LDLRAD4: variants seen among roughly 807,000 people sequenced by gnomAD.
LDLRAD4 encodes low-density lipoprotein receptor class A domain-containing protein 4.
LDLRAD4 carries 5 observed loss-of-function variants against 17.0 expected under a neutral mutation model. The ratio of observed to expected loss-of-function variants is 0.29; its 90% CI spans 0.15 to 0.62. The LOEUF (loss-of-function observed/expected upper bound fraction) is 0.62, where lower values mean the gene tolerates loss of function less well. Ranked by LOEUF, LDLRAD4 falls within the 20% of genes least tolerant of loss-of-function variation. The pLI, the probability that LDLRAD4 is intolerant of heterozygous loss-of-function variation, is 0.84. For missense variants in LDLRAD4, 340 were observed against 424.7 expected (o/e 0.80, Z 1.75); for synonymous variants, 168 against 171.8 (o/e 0.98, Z 0.17).
intron 3 of LDLRAD4, among the ~76,000 whole-genome samples, chr18:13,499,822 T>C (rs1386932464): frequency 6.6e-6 from 1 of 152,178 alleles, no homozygotes; most frequent in African/African-American, 2.4e-5. Context: ...AGAATCCTTC[T>C]GCCCACACAC....
intron 2 of LDLRAD4, among the ~76,000 whole-genome samples, chr18:13,395,180 G>A (rs190333363): frequency 1.3e-5 from 2 of 152,068 alleles, no homozygotes; most frequent in African/African-American, 2.4e-5. Context: ...AGTAGGTTCT[G>A]TATAAAGATT....
intron 3 of LDLRAD4, among the ~76,000 whole-genome samples, chr18:13,608,701 G>A (rs1284772546): frequency 6.6e-6 from 1 of 152,136 alleles, no homozygotes; most frequent in African/African-American, 2.4e-5. Context: ...CTTAAAGCCC[G>A]TTTGGTTCCT....
At chr18:13,601,504 C>G (rs1477189828) in intron 3 of LDLRAD4, among the ~76,000 whole-genome samples, 1 of 151,850 alleles carries the variant, frequency 6.6e-6, no homozygotes, top group Middle Eastern at 3.2e-3. Flanking sequence ...GAAAAGGGAA[C>G]ACTTCCGGGC....
chr18:13,563,230 T>A (rs1194412069), intron 3 of LDLRAD4, among the ~76,000 whole-genome samples: 1 of 152,254 alleles, frequency 6.6e-6, no homozygotes, highest in Non-Finnish European at 1.5e-5. Context: ...ATGAGCATGT[T>A]CACAACCCCC....
At chr18:13,375,834 G>A (rs946567468) in intron 1 of LDLRAD4, among the ~76,000 whole-genome samples, 1 of 152,084 alleles carries the variant, frequency 6.6e-6, no homozygotes, top group Non-Finnish European at 1.5e-5. Flanking sequence ...GCCCGCCAGC[G>A]CCTTGCTCTT....
At chr18:13,624,130 G>A (rs1379429164) in intron 4 of LDLRAD4, among the ~76,000 whole-genome samples, 1 of 152,152 alleles carries the variant, frequency 6.6e-6, no homozygotes, top group East Asian at 1.9e-4. Context: ...GTGGATGTGA[G>A]CGGTGCTGAG....
intron 3 of LDLRAD4, chr18:13,489,144 C>G (rs1397918501): frequency 6.7e-6 from 1 of 149,080 alleles, no homozygotes; most frequent in Non-Finnish European, 1.5e-5. Flanking sequence ...GTGGTGCTAC[C>G]CATTCTTTCT....
chr18:13,326,937 G>C (rs1335527795), intron 1 of LDLRAD4, among the ~76,000 whole-genome samples: 3 of 152,270 alleles, frequency 2.0e-5, no homozygotes, highest in Middle Eastern at 6.8e-3. Flanking sequence ...AGTGCTTACT[G>C]AAGTGTAAAA....
intron 3 of LDLRAD4, among the ~76,000 whole-genome samples, chr18:13,603,071 T>TC (rs1184538571): frequency 2.5e-5 from 3 of 121,260 alleles, no homozygotes; most frequent in Non-Finnish European, 5.6e-5. Context: ...TATTTAAGTT[T>TC]TTAAAGTACC....
In LDLRAD4 at chr18:13,621,614, G is replaced by A. The variant is rs1815612703; in HGVS notation, c.336+343G>A. Among the ~76,000 whole-genome samples, 1 of 152,240 alleles carries A rather than the reference G, an allele frequency of 6.6e-6. No homozygotes were observed. The highest frequency in any genetic ancestry group is 2.4e-5 in the African/African-American group (1 of 41,466). On this transcript the variant is annotated intron_variant, in intron 4 of 5. Coordinates refer to ENST00000359446, the Ensembl canonical transcript of LDLRAD4. This position sits in a 1 kb window ranked among gnomAD's most constrained non-coding sequence, Gnocchi z 5.5. The stretch of plus-strand genomic sequence containing the variant: ...CGTGCCTGGCTCCTCTGGCTTGGCA[G>A]TGCACTTGTGAGATTCATTGTGTTG...
intron 3 of LDLRAD4, among the ~76,000 whole-genome samples, chr18:13,458,320 C>G (rs1600476007): frequency 6.6e-6 from 1 of 152,176 alleles, no homozygotes; most frequent in East Asian, 1.9e-4. Context: ...TATGTGTTAG[C>G]AGGTGTGGTA....
At chr18:13,402,236 A>G (rs76790184) in intron 2 of LDLRAD4, among the ~76,000 whole-genome samples, 3,035 of 152,202 alleles carry the variant, frequency 0.02, 97 homozygotes, top group African/African-American at 0.068. Flanking sequence ...GTTTCTGTGC[A>G]GGTGTCAGCA....
chr18:13,414,088 CA>C (rs1186568707), intron 2 of LDLRAD4, among the ~76,000 whole-genome samples: 1 of 152,100 alleles, frequency 6.6e-6, no homozygotes, highest in Non-Finnish European at 1.5e-5. Flanking sequence ...TGCTTTGTTC[CA>C]AAATTTGTAG....
chr18:13,500,007 A>G (rs1405825209), intron 3 of LDLRAD4, among the ~76,000 whole-genome samples: 1 of 152,042 alleles, frequency 6.6e-6, no homozygotes, highest in African/African-American at 2.4e-5. Context: ...ATTGACAGGG[A>G]CTTTCGGTTT....
At chr18:13,422,547 A>C (rs1034227278) in intron 2 of LDLRAD4, among the ~76,000 whole-genome samples, 33 of 152,076 alleles carry the variant, frequency 2.2e-4, no homozygotes, top group African/African-American at 8.0e-4. Flanking sequence ...AAAAAAAAAA[A>C]AAAGGCCAAG....
chr18:13,251,510 A>G (rs541226382), intron 1 of LDLRAD4, among the ~76,000 whole-genome samples: 4 of 152,346 alleles, frequency 2.6e-5, no homozygotes, highest in African/African-American at 9.6e-5. Context: ...GAACTGGTAA[A>G]TGAATTCAGT....
At chr18:13,416,088 C>T (rs759196378) in intron 2 of LDLRAD4, among the ~76,000 whole-genome samples, 17 of 152,294 alleles carry the variant, frequency 1.1e-4, no homozygotes, top group East Asian at 1.9e-4. Flanking sequence ...ATCGGGCTGG[C>T]GGGGACACTG....
intron 2 of LDLRAD4, among the ~76,000 whole-genome samples, chr18:13,390,824 C>T (rs911869850): frequency 2.6e-5 from 4 of 152,242 alleles, no homozygotes; most frequent in Non-Finnish European, 5.9e-5. Flanking sequence ...TAGGAAGTAA[C>T]CAGCAGTGAA....
At chr18:13,643,835 G>GTA (rs1372415895) in intron 5 of LDLRAD4, among the ~76,000 whole-genome samples, 2 of 152,196 alleles carry the variant, frequency 1.3e-5, no homozygotes, top group Non-Finnish European at 2.9e-5. Flanking sequence ...ATGTACGTGT[G>GTA]TAGATATGTG....
Sources: gnomAD v4.1 joint callset for allele counts (sites outside exome capture counted in the v4.1 genomes callset) on GRCh38, gnomAD v4.1.1 for gene constraint, Gnocchi (gnomAD v3.1) non-coding constraint, MANE v1.5 for transcripts, NCBI Gene and HGNC (gene_info 2026-07-23, HGNC 2026-07-21) for gene names.